PPP1R12B: variants seen among roughly 807,000 people sequenced by gnomAD.
PPP1R12B encodes myosin phosphatase target subunit 2.
Under a neutral mutation model 126.1 loss-of-function variants are expected in PPP1R12B, and 76 were observed. The observed-to-expected ratio is 0.60, with a 90% CI of 0.50 to 0.73. The LOEUF (loss-of-function observed/expected upper bound fraction) is 0.73. Ranked by LOEUF, PPP1R12B falls within the 30% of genes least tolerant of loss-of-function variation. PPP1R12B has a pLI of 0.00. For missense variants in PPP1R12B, 1,052 were observed against 1,205.1 expected, an observed-to-expected ratio of 0.87 and a Z score of 1.88; for synonymous variants, 356 against 434.7, an observed-to-expected ratio of 0.82 and a Z score of 2.25.
chr1:202,482,028 G>GAT (rs1399949970), intron 13 of PPP1R12B, among the ~76,000 whole-genome samples: 1 of 151,328 alleles, frequency 6.6e-6, no homozygotes, highest in Non-Finnish European at 1.5e-5. Context: ...CACTTAACCT[G>GAT]ATATCCTCCA....
chr1:202,384,329 C>G (rs1662795213), intron 1 of PPP1R12B, among the ~76,000 whole-genome samples: 1 of 152,024 alleles, frequency 6.6e-6, no homozygotes, highest in Non-Finnish European at 1.5e-5. Context: ...AACGAATATG[C>G]AAAATGTAGT....
At chr1:202,381,210 C>CA (rs1170004413) in intron 1 of PPP1R12B, among the ~76,000 whole-genome samples, 2 of 152,024 alleles carry the variant, frequency 1.3e-5, no homozygotes. Context: ...AGTGTAAGAA[C>CA]AATAACTCTA....
At chr1:202,537,311 G>A (rs567219177) in intron 18 of PPP1R12B, among the ~76,000 whole-genome samples, 80 of 151,232 alleles carry the variant, frequency 5.3e-4, no homozygotes, top group South Asian at 6.3e-4. Context: ...CAAAGATTGC[G>A]CCACTGCACT....
chr1:202,515,848 C>T (rs1222203187), intron 18 of PPP1R12B, among the ~76,000 whole-genome samples: 1 of 152,190 alleles, frequency 6.6e-6, no homozygotes, highest in African/African-American at 2.4e-5. Flanking sequence ...CACCACCACA[C>T]CTGGCCTCGT....
intron 13 of PPP1R12B, among the ~76,000 whole-genome samples, chr1:202,487,292 AC>A (rs1678268553): frequency 6.6e-6 from 1 of 152,264 alleles, no homozygotes; most frequent in African/African-American, 2.4e-5. Context: ...TTCTATAGGA[AC>A]AGAAGGGAAT....
chr1:202,438,872 C>T, intron 10 of PPP1R12B: 2 of 1,305,892 alleles, frequency 1.5e-6, no homozygotes, highest in Admixed American at 1.7e-5. Context: ...ACTGCTATAG[C>T]CCCCAGGGCA....
intron 1 of PPP1R12B, among the ~76,000 whole-genome samples, chr1:202,382,501 A>G (rs1662485452): frequency 6.6e-6 from 1 of 151,192 alleles, no homozygotes; most frequent in African/African-American, 2.4e-5. Flanking sequence ...AAAAAAAAAA[A>G]AGAAACAAAT....
intron 1 of PPP1R12B, among the ~76,000 whole-genome samples, chr1:202,393,643 T>C (rs557611868): frequency 6.6e-6 from 1 of 152,332 alleles, no homozygotes; most frequent in South Asian, 2.1e-4. Flanking sequence ...GAAAGATGTA[T>C]GTACAAAAAT....
intron 8 of PPP1R12B, among the ~76,000 whole-genome samples, chr1:202,432,159 A>G (rs763080274): frequency 1.3e-5 from 2 of 152,190 alleles, no homozygotes; most frequent in Non-Finnish European, 2.9e-5. Context: ...GATTTCCTAA[A>G]CAGAATCCTA....
chr1:202,434,518 G>A (rs546406167), intron 8 of PPP1R12B, 138 bp from the exon 9 acceptor site: 2 of 1,120,256 alleles, frequency 1.8e-6, no homozygotes, highest in East Asian at 2.9e-5. Flanking sequence ...CAAGTTGTTA[G>A]TTTATATCCA....
chr1:202,378,348 T>C (rs887508603), intron 1 of PPP1R12B, among the ~76,000 whole-genome samples: 2 of 151,712 alleles, frequency 1.3e-5, no homozygotes, highest in East Asian at 1.9e-4. Flanking sequence ...CCCATCTCTT[T>C]CCTTTCTCTT....
At chr1:202,400,832 T>C (rs1665711292) in intron 1 of PPP1R12B, among the ~76,000 whole-genome samples, 1 of 152,096 alleles carries the variant, frequency 6.6e-6, no homozygotes, top group African/African-American at 2.4e-5. Flanking sequence ...CAAGGTCTTA[T>C]AGCTATTAAG....
In PPP1R12B at chr1:202,516,786, G is replaced by A. The variant is rs538461302; in HGVS notation, c.2490+19964G>A. On this transcript the variant is annotated intron_variant, in intron 18 of 23. Coordinates refer to ENST00000608999, the MANE Select transcript of PPP1R12B (RefSeq NM_002481.4). ...TCTCCTTGTTAAGAATAGATGGCAG[G>A]TCAACATTCTTGCCTACTCCTGCAA... Among the ~76,000 whole-genome samples the A allele has an allele frequency of 9.2e-5, 14 of 152,270 alleles. No individual in the cohort carries two copies. In the South Asian group the frequency reaches 2.9e-3, roughly 32 times the overall value.
intron 1 of PPP1R12B, among the ~76,000 whole-genome samples, chr1:202,378,247 CTTTTTTT>C (rs386369339): frequency 1.1e-4 from 10 of 93,364 alleles, no homozygotes; most frequent in East Asian, 3.7e-4. Context: ...TGTCTTCATT[CTTTTTTT>C]TTTTTTTTTT....
Position 202,428,891 on chromosome 1 carries a change from G to C in PPP1R12B, c.883G>C (p.Val295Leu), listed in dbSNP as rs148672635. Residue 295 changes from valine to leucine, a missense_variant, in exon 6 of 24, where the codon GTG (valine) becomes CTG (leucine). Val to Leu is a conservative substitution (Grantham distance 32). Transcript: ENST00000608999. ...TPFDVADEGL[V>L]EHLELLQKKQ... ...ATTTGATGTGGCTGATGAGGGTCTC[G>C]TGGAGCATTTGGAGTTGCTCCAGAA... 3.1e-6 allele frequency: 5 copies of C among 1,608,102 alleles called. No homozygotes were observed. Among genetic ancestry groups the C allele is most frequent in the African/African-American group, 1.3e-5 (1 of 74,622 alleles).
At position 202,569,820 on chromosome 1, in the gene PPP1R12B, T is replaced by C. The variant is rs78769023; in HGVS notation, c.2862+623T>C. Among the ~76,000 whole-genome samples, 979 of 152,310 alleles carry C rather than the reference T, an allele frequency of 6.4e-3. 5 individuals are homozygous for C. Among genetic ancestry groups the C allele is most frequent in the Non-Finnish European group, 0.01 (699 of 68,016 alleles). On this transcript the variant is annotated intron_variant, in intron 23 of 23. Transcript: ENST00000608999. ...TTTCCTTTCTCTCCTCACCATGACC[T>C]GCAGTGACCATCACCTCCATTAGCC...
At chr1:202,370,537 T>C (rs1660030310) in intron 1 of PPP1R12B, among the ~76,000 whole-genome samples, 1 of 128,996 alleles carries the variant, frequency 7.8e-6, no homozygotes, top group Admixed American at 9.3e-5. Flanking sequence ...GGTTATAGAG[T>C]ATATAATTTT....
chr1:202,483,612 G>A (rs1388603363), intron 13 of PPP1R12B, among the ~76,000 whole-genome samples: 1 of 152,110 alleles, frequency 6.6e-6, no homozygotes, highest in African/African-American at 2.4e-5. Flanking sequence ...GCAAGAGGGT[G>A]AAGAGAACCA....
rs1196499777 is a variant in PPP1R12B at position 202,548,776 on chromosome 1, GTC to G, written c.2491-10069_2491-10068del. Reference sequence around the variant, plus strand: ...TCATGCGCTCGCTCACTCGCTCGCTGTCTCTCTCTCTCTCTCTCTCTCTCTCT... The same window carrying G: ...TCATGCGCTCGCTCACTCGCTCGCTGTCTCTCTCTCTCTCTCTCTCTCTCT... On this transcript the variant is annotated intron_variant, in intron 18 of 23. Coordinates refer to ENST00000608999, the MANE Select transcript of PPP1R12B (RefSeq NM_002481.4). Among the ~76,000 whole-genome samples the G allele has an allele frequency of 8.2e-3, 810 of 98,760 alleles. 5 individuals are homozygous for G. Among genetic ancestry groups the G allele is most frequent in the African/African-American group, 0.02 (473 of 23,324 alleles). 64.8% of individuals were successfully genotyped at this position (98,760 alleles called of 152,430 possible).
Sources: gnomAD v4.1 joint callset for allele counts (sites outside exome capture counted in the v4.1 genomes callset) on GRCh38, gnomAD v4.1.1 for gene constraint, MANE v1.5 for transcripts, NCBI Gene and HGNC (gene_info 2026-07-23, HGNC 2026-07-21) for gene names.